The following DOCK8 variants were observed in gnomAD, a reference collection of about 807,000 sequenced individuals.
DOCK8 encodes the protein dedicator of cytokinesis protein 8.
Under a neutral mutation model 245.6 loss-of-function variants are expected in DOCK8, and 141 were observed. The ratio of observed to expected loss-of-function variants is 0.57; its 90% CI spans 0.50 to 0.66. DOCK8 has a LOEUF of 0.66. Ranked by LOEUF, DOCK8 falls within the 30% of genes least tolerant of loss-of-function variation. The probability of loss-of-function intolerance (pLI) is 0.00; values close to 1 mark genes in which losing one functional copy is unlikely to be tolerated. For missense variants in DOCK8, 2,965 were observed against 2,603.4 expected (o/e 1.14, Z -3.02); for synonymous variants, 1,168 against 970.2 (o/e 1.20, Z -3.79).
intron 13 of DOCK8, 85 bp downstream of exon 13, chr9:339,184 T>C (rs982928745): frequency 8.6e-7 from 1 of 1,167,560 alleles, no homozygotes; most frequent in African/African-American, 1.5e-5. Flanking sequence ...CCAGAATTTA[T>C]AAAATCATGT....
At chr9:248,870 C>G (rs2047578783) in intron 1 of DOCK8, among the ~76,000 whole-genome samples, 1 of 152,110 alleles carries the variant, frequency 6.6e-6, no homozygotes, top group East Asian at 1.9e-4. Flanking sequence ...TAGAGACTCT[C>G]CAGAAACATC....
chr9:420,662 T>A, intron 31 of DOCK8, 79 bp downstream of exon 31: 1 of 1,571,050 alleles, frequency 6.4e-7, no homozygotes, highest in Non-Finnish European at 8.8e-7. Flanking sequence ...TCCCCTTTGT[T>A]TGGGCCATGG....
Position 304,714 on chromosome 9 carries a change from GT to G in DOCK8, c.528+11del, listed in dbSNP as rs2049731747. On this transcript the variant is annotated intron_variant, in intron 5 of 47. Coordinates refer to ENST00000432829, the MANE Select transcript of DOCK8 (RefSeq NM_203447.4). The stretch of plus-strand genomic sequence containing the variant: ...TGAACCCGCTGCTCAGGTATTTCCT[GT>G]CAACAAACATGGTTACCAGGTTACT... The G allele has an allele frequency of 6.2e-7, 1 of 1,613,994 alleles. No homozygotes were observed. Among genetic ancestry groups the G allele is most frequent in the African/African-American group, 1.3e-5 (1 of 74,914 alleles).
chr9:227,752 G>A (rs1331799872), intron 1 of DOCK8, among the ~76,000 whole-genome samples: 1 of 152,172 alleles, frequency 6.6e-6, no homozygotes, highest in African/African-American at 2.4e-5. Context: ...TGGAGATTGG[G>A]ACTGAAGAAT....
At chr9:215,193 C>A (rs992546492) in intron 1 of DOCK8, 164 bp downstream of exon 1, 3 of 1,515,906 alleles carry the variant, frequency 2.0e-6, no homozygotes, top group East Asian at 2.6e-5. Flanking sequence ...GCGGTGGAGC[C>A]GCTGGACGCG....
At chr9:347,455 G>A (rs990089512) in intron 14 of DOCK8, among the ~76,000 whole-genome samples, 3 of 152,164 alleles carry the variant, frequency 2.0e-5, no homozygotes, top group Non-Finnish European at 2.9e-5. Context: ...ACAGTGAGCC[G>A]TGATCATGCC....
At chr9:388,781 C>T (rs1218636646) in intron 23 of DOCK8, among the ~76,000 whole-genome samples, 2 of 142,580 alleles carry the variant, frequency 1.4e-5, no homozygotes, top group Non-Finnish European at 3.0e-5. Context: ...TCTCAAACTC[C>T]TGACCTCAAG....
chr9:232,476 A>G (rs552417439), intron 1 of DOCK8, among the ~76,000 whole-genome samples: 1 of 152,312 alleles, frequency 6.6e-6, no homozygotes, highest in African/African-American at 2.4e-5. Flanking sequence ...GAATGGTACC[A>G]GCTCCTCTTT....
upstream of DOCK8, chr9:214,632 C>CCT (rs777756756): frequency 1.9e-6 from 3 of 1,612,752 alleles, no homozygotes; most frequent in Admixed American, 3.3e-5. Context: ...GCAGTGGTCG[C>CCT]CTGTCGTCCG....
rs2054480842 is a variant in DOCK8 at position 396,813 on chromosome 9, A to G, written c.2999A>G (p.Asn1000Ser). Residue 1000 changes from asparagine to serine, a missense_variant, in exon 25 of 48, where the codon AAC (asparagine) becomes AGC (serine). Coordinates refer to ENST00000432829, the MANE Select transcript of DOCK8 (RefSeq NM_203447.4). ...AAAAGCATGGCCCAGCACGTACATA[A>G]CATGGACAAACGGGACAGTTTTCGG... ...LVKSMAQHVH[N>S]MDKRDSFRRT... 2 of 1,614,180 alleles carry G rather than the reference A, an allele frequency of 1.2e-6. No individual in the cohort carries two copies. Among genetic ancestry groups the G allele is most frequent in the Non-Finnish European group, 8.5e-7 (1 of 1,180,032 alleles).
intron 29 of DOCK8, 84 bp from the exon 30 acceptor site, chr9:417,984 G>C (rs767629553): frequency 9.5e-6 from 15 of 1,575,496 alleles, no homozygotes; most frequent in Admixed American, 1.7e-5. Context: ...TTTAGTGACT[G>C]AGAAGTATCA....
At chr9:372,986 G>A (rs567511224) in intron 18 of DOCK8, among the ~76,000 whole-genome samples, 6 of 152,202 alleles carry the variant, frequency 3.9e-5, no homozygotes, top group Admixed American at 6.5e-5. Context: ...CCAACATGGT[G>A]AAACTCCATC....
chr9:429,243 A>G (rs528460097), intron 35 of DOCK8, among the ~76,000 whole-genome samples: 11 of 152,380 alleles, frequency 7.2e-5, no homozygotes, highest in Admixed American at 7.2e-4. Context: ...CTGGGATTAC[A>G]GGCGTGAGCC....
intron 6 of DOCK8, among the ~76,000 whole-genome samples, chr9:316,546 A>G (rs1332890208): frequency 1.3e-5 from 2 of 152,222 alleles, no homozygotes; most frequent in Non-Finnish European, 2.9e-5. Context: ...TCTGTTTAAG[A>G]AAACAGTGAA....
intron 1 of DOCK8, among the ~76,000 whole-genome samples, chr9:217,675 A>G (rs2131324012): frequency 6.6e-6 from 1 of 152,332 alleles, no homozygotes; most frequent in South Asian, 2.1e-4. Flanking sequence ...CATACCTAGT[A>G]TTCATATATC....
At chr9:446,701 A>AAC in intron 44 of DOCK8, 95 bp downstream of exon 44, 1 of 1,085,328 alleles carries the variant, frequency 9.2e-7, no homozygotes, top group Non-Finnish European at 1.4e-6. Flanking sequence ...ATTGGACTGA[A>AAC]AACAAGGAGG....
chr9:390,878 A>C (rs1586877410), intron 24 of DOCK8, among the ~76,000 whole-genome samples: 1 of 152,118 alleles, frequency 6.6e-6, no homozygotes, highest in African/African-American at 2.4e-5. Context: ...CTCTTGGCCC[A>C]CCCATTCTGC....
intron 12 of DOCK8, among the ~76,000 whole-genome samples, chr9:337,534 T>A (rs1337685697): frequency 6.6e-6 from 1 of 152,228 alleles, no homozygotes; most frequent in South Asian, 2.1e-4. Context: ...TGGCTATTCA[T>A]GTGCAAGTTT....
intron 2 of DOCK8, among the ~76,000 whole-genome samples, chr9:276,731 G>A (rs915714835): frequency 2.0e-5 from 3 of 152,174 alleles, no homozygotes; most frequent in Non-Finnish European, 2.9e-5. Flanking sequence ...TCTGGTGCCA[G>A]CCACCTATTC....
Sources: gnomAD v4.1 joint callset for allele counts (sites outside exome capture counted in the v4.1 genomes callset) on GRCh38, gnomAD v4.1.1 for gene constraint, MANE v1.5 for transcripts, NCBI Gene and HGNC (gene_info 2026-07-23, HGNC 2026-07-21) for gene names.